Variants in ENPP6 observed in about 807,000 individuals in gnomAD.
The protein encoded by ENPP6 is glycerophosphocholine cholinephosphodiesterase ENPP6.
ENPP6 carries 32 observed loss-of-function variants against 42.0 expected under a neutral mutation model. The observed-to-expected ratio is 0.76, with a 90% confidence interval of 0.58 to 1.02. The LOEUF is 1.02. ENPP6 is among the 50% of genes least tolerant of loss of function. The probability of loss-of-function intolerance (pLI) is 0.00; values close to 1 mark genes in which losing one functional copy is unlikely to be tolerated. For synonymous variants in ENPP6, 213 were observed against 216.0 expected, an observed-to-expected ratio of 0.99 and a Z score of 0.12; for missense variants, 552 against 566.8, an observed-to-expected ratio of 0.97 and a Z score of 0.27.
intron 1 of ENPP6, among the ~76,000 whole-genome samples, chr4:184,201,481 A>G (rs1023640731): frequency 6.6e-6 from 1 of 152,088 alleles, no homozygotes; most frequent in Non-Finnish European, 1.5e-5. Flanking sequence ...AGCCTTCTGG[A>G]AACGCCTTTG....
chr4:184,134,131 G>GATTGATTT (rs139499837), intron 2 of ENPP6, among the ~76,000 whole-genome samples: 1 of 147,188 alleles, frequency 6.8e-6, no homozygotes, highest in African/African-American at 2.5e-5. Flanking sequence ...TTATGGAAGT[G>GATTGATTT]ATTTATTTAT....
intron 3 of ENPP6, among the ~76,000 whole-genome samples, chr4:184,121,655 C>A (rs1447979866): frequency 2.0e-5 from 3 of 152,322 alleles, no homozygotes; most frequent in Non-Finnish European, 4.4e-5. Context: ...GATGGACAGA[C>A]CAATAAGCCT....
intron 1 of ENPP6, among the ~76,000 whole-genome samples, chr4:184,182,783 C>G (rs1464143071): frequency 6.6e-6 from 1 of 152,194 alleles, no homozygotes; most frequent in Non-Finnish European, 1.5e-5. Context: ...CACATGTTCT[C>G]ACTTACAAGT....
At chr4:184,123,977 C>T (rs1736460177) in intron 3 of ENPP6, among the ~76,000 whole-genome samples, 184 bp downstream of exon 3, 1 of 152,210 alleles carries the variant, frequency 6.6e-6, no homozygotes, top group Non-Finnish European at 1.5e-5. Flanking sequence ...CCAGAGATTG[C>T]CCCTGCCTGA....
chr4:184,122,144 T>C (rs981461370), intron 3 of ENPP6, among the ~76,000 whole-genome samples: 3 of 152,186 alleles, frequency 2.0e-5, no homozygotes, highest in Admixed American at 6.5e-5. Context: ...CATGAGACAA[T>C]TACACTGACC....
At chr4:184,208,673 G>A (rs9714778) in intron 1 of ENPP6, among the ~76,000 whole-genome samples, 83 of 149,456 alleles carry the variant, frequency 5.6e-4, no homozygotes, top group Middle Eastern at 6.8e-3. Context: ...AGGGGCGCCC[G>A]CCATTGCCCA....
intron 1 of ENPP6, among the ~76,000 whole-genome samples, chr4:184,199,188 G>A (rs1013723205): frequency 6.6e-6 from 1 of 152,232 alleles, no homozygotes; most frequent in East Asian, 1.9e-4. Context: ...TGGAGCCGAG[G>A]CGTCTTCTCT....
At chr4:184,124,093 C>A in intron 3 of ENPP6, 68 bp downstream of exon 3, 1 of 1,282,944 alleles carries the variant, frequency 7.8e-7, no homozygotes. Flanking sequence ...TCTTAATTCA[C>A]TTTAGGATCC....
chr4:184,191,288 G>A (rs11132232), intron 1 of ENPP6, among the ~76,000 whole-genome samples: 115,173 of 151,876 alleles, frequency 0.76, 45,554 homozygotes, highest in East Asian at 0.98. Flanking sequence ...TTTGTAAAAT[G>A]GGAACAATTG....
At chr4:184,152,918 T>C (rs1213276062) in intron 2 of ENPP6, among the ~76,000 whole-genome samples, 2 of 126,100 alleles carry the variant, frequency 1.6e-5, no homozygotes, top group Non-Finnish European at 3.2e-5. Flanking sequence ...CGTATGGAAA[T>C]GGTACACTGT....
chr4:184,149,291 G>A (rs1286735557), intron 2 of ENPP6, among the ~76,000 whole-genome samples: 1 of 152,194 alleles, frequency 6.6e-6, no homozygotes, highest in African/African-American at 2.4e-5. Flanking sequence ...CTGACTGAAG[G>A]TTGTCAAGGA....
chr4:184,187,937 A>G (rs1446969243), intron 1 of ENPP6, among the ~76,000 whole-genome samples: 2 of 152,240 alleles, frequency 1.3e-5, no homozygotes, highest in African/African-American at 4.8e-5. Context: ...ATGAATGAAG[A>G]ATAAACCAGA....
chr4:184,155,891 C>A (rs1737150643), intron 1 of ENPP6, among the ~76,000 whole-genome samples: 1 of 152,186 alleles, frequency 6.6e-6, no homozygotes, highest in East Asian at 1.9e-4. Context: ...TCTAAAGTGT[C>A]CAAACTCACT....
intron 1 of ENPP6, among the ~76,000 whole-genome samples, chr4:184,212,060 A>G (rs1164677285): frequency 5.3e-5 from 8 of 151,646 alleles, no homozygotes; most frequent in Non-Finnish European, 1.2e-4. Flanking sequence ...AAAAACTCTC[A>G]ATAAATTAGG....
rs1348999309 is a variant in ENPP6, at chr4:184,090,145, G to T, written c.*1032C>A. The T allele has an allele frequency of 6.6e-6, 1 of 152,184 alleles. No homozygotes were observed. Among genetic ancestry groups the T allele is most frequent in the African/African-American group, 2.4e-5 (1 of 41,414 alleles). 9.4% of individuals were successfully genotyped at this position (152,184 alleles called of 1,614,324 possible). A position where few individuals can be genotyped will look rare whatever the true frequency, so the allele number is the denominator to read the frequency against. ...TTGTTGAGCAAGCCATGCTGCAGGG[G>T]TACTGGTGTCCAGGATTAAGGCTTA... On this transcript the variant is annotated 3_prime_UTR_variant, in exon 8 of 8. Coordinates refer to ENST00000296741, the MANE Select transcript of ENPP6 (RefSeq NM_153343.4).
chr4:184,112,277 G>C (rs532410720), intron 6 of ENPP6, among the ~76,000 whole-genome samples: 1 of 152,194 alleles, frequency 6.6e-6, no homozygotes, highest in South Asian at 2.1e-4. Context: ...TCACAGTCTC[G>C]TTTGCCAAAC....
intron 1 of ENPP6, among the ~76,000 whole-genome samples, chr4:184,158,973 C>A (rs1560996310): frequency 6.6e-6 from 1 of 152,148 alleles, no homozygotes; most frequent in African/African-American, 2.4e-5. Flanking sequence ...TCAAATCCTG[C>A]AAAGTTATTT....
At chr4:184,177,819 G>A (rs1732469438) in intron 1 of ENPP6, among the ~76,000 whole-genome samples, 1 of 152,108 alleles carries the variant, frequency 6.6e-6, no homozygotes, top group Non-Finnish European at 1.5e-5. Flanking sequence ...TAAACAGAAA[G>A]CAACAACAAC....
At position 184,090,969 on chromosome 4, in the gene ENPP6, T is replaced by G; in HGVS notation, c.*208A>C. Reference sequence around the variant, plus strand: ...ACTGCACAAATGGAAAGCTAGGATTTTCCTACCTTCTGGAAAAACAAGGTT... The same window carrying G: ...ACTGCACAAATGGAAAGCTAGGATTGTCCTACCTTCTGGAAAAACAAGGTT... On this transcript the variant is annotated 3_prime_UTR_variant, in exon 8 of 8. Coordinates refer to ENST00000296741, the MANE Select transcript of ENPP6 (RefSeq NM_153343.4). 2.1e-6 allele frequency: 1 copy of G among 483,168 alleles called. No individual in the cohort carries two copies. The highest frequency in any genetic ancestry group is 3.4e-5 in the East Asian group (1 of 29,484). 29.9% of individuals were successfully genotyped at this position (483,168 alleles called of 1,614,324 possible). A position where few individuals can be genotyped will look rare whatever the true frequency, so the allele number is the denominator to read the frequency against.
Sources: allele counts gnomAD v4.1 joint callset (sites outside exome capture counted in the v4.1 genomes callset), GRCh38; gene constraint gnomAD v4.1.1; transcripts MANE v1.5; gene names NCBI Gene and HGNC (gene_info 2026-07-23, HGNC 2026-07-21).